Variants in RANBP3L observed in about 807,000 individuals in gnomAD.
The protein encoded by RANBP3L is RAN binding protein 3 like.
Under a neutral mutation model 67.2 loss-of-function variants are expected in RANBP3L, and 56 were observed. The ratio of observed to expected loss-of-function variants is 0.83; its 90% CI spans 0.67 to 1.04. RANBP3L has a LOEUF of 1.04. RANBP3L is among the 50% of genes least tolerant of loss of function. The probability of loss-of-function intolerance (pLI) is 0.00; values close to 1 mark genes in which losing one functional copy is unlikely to be tolerated. For missense variants in RANBP3L, 496 were observed against 535.5 expected, an observed-to-expected ratio of 0.93 and a Z score of 0.73; for synonymous variants, 164 against 181.4, an observed-to-expected ratio of 0.90 and a Z score of 0.77.
chr5:36,261,113 T>C (rs1360838425), intron 7 of RANBP3L, among the ~76,000 whole-genome samples: 4 of 152,192 alleles, frequency 2.6e-5, no homozygotes, highest in African/African-American at 9.7e-5. Context: ...ATCACTGCAC[T>C]GGCTGTGTGG....
chr5:36,279,340 A>C (rs546394550), intron 1 of RANBP3L, among the ~76,000 whole-genome samples: 2 of 152,234 alleles, frequency 1.3e-5, no homozygotes, highest in South Asian at 4.1e-4. Context: ...ATGTGGGGGA[A>C]CTCTAAAAAA....
In RANBP3L at chr5:36,272,008, T is replaced by C. The variant is rs142191547; in HGVS notation, c.92-697A>G. On this transcript the variant is annotated intron_variant, in intron 1 of 13. Transcript: ENST00000296604. ...AGAATTCTTAAGAAATACTATGTGG[T>C]AGTTAAGAGCTTGGGCTCTGAAGTT... Among the ~76,000 whole-genome samples the C allele has an allele frequency of 1.9e-3, 286 of 152,276 alleles. 12 individuals are homozygous for C. The East Asian group carries it at 0.046, about 25-fold the overall frequency.
intron 6 of RANBP3L, 143 bp from the exon 7 acceptor site, chr5:36,262,185 A>C: frequency 3.7e-6 from 2 of 544,376 alleles, no homozygotes; most frequent in Non-Finnish European, 6.5e-6. Flanking sequence ...GTACGATCTC[A>C]TTTACTCCTT....
intron 1 of RANBP3L, among the ~76,000 whole-genome samples, chr5:36,285,667 A>T (rs1751270667): frequency 6.6e-6 from 1 of 152,220 alleles, no homozygotes; most frequent in Non-Finnish European, 1.5e-5. Flanking sequence ...TACCATCTAA[A>T]GTTGTATCTA....
intron 13 of RANBP3L, 96 bp downstream of exon 13, chr5:36,251,217 G>A (rs1338576117): frequency 2.0e-6 from 2 of 992,620 alleles, no homozygotes; most frequent in East Asian, 2.6e-5. Context: ...TTTAAACAGA[G>A]CAGTTCCACT....
chr5:36,277,422 C>A (rs13178293), intron 1 of RANBP3L, among the ~76,000 whole-genome samples: 12,606 of 115,168 alleles, frequency 0.11, 852 homozygotes, highest in East Asian at 0.2. Context: ...CTCTCTCTCT[C>A]TATATATATA....
At position 36,301,458 on chromosome 5, in the gene RANBP3L, C is replaced by T. The variant is rs1205723546; in HGVS notation, c.-42G>A. 1.3e-6 allele frequency: 2 copies of T among 1,499,524 alleles called. No individual in the cohort carries two copies. Among genetic ancestry groups the T allele is most frequent in the Admixed American group, 3.3e-5 (2 of 59,754 alleles). The allele number at this position is 1,499,524 out of a possible 1,614,324, so 92.9% of individuals were successfully genotyped here. On this transcript the variant is annotated 5_prime_UTR_variant, in exon 1 of 14. The change creates a new upstream start codon in the 5' untranslated region. Coordinates refer to ENST00000296604, the MANE Select transcript of RANBP3L (RefSeq NM_145000.5). ...CTGTGACTCAAGGATCACTAGGGCACCTCCTTCTCTGGCCAGTCACCTAAA... is the reference window on the plus strand; with the variant it reads ...CTGTGACTCAAGGATCACTAGGGCATCTCCTTCTCTGGCCAGTCACCTAAA...
Position 36,295,480 on chromosome 5 carries a change from CCTGTGGAA to C in RANBP3L, c.91+5838_91+5845del, listed in dbSNP as rs1484607602. Among the ~76,000 whole-genome samples, 4 of 152,124 alleles carry C rather than the reference CCTGTGGAA, an allele frequency of 2.6e-5. No individual in the cohort carries two copies. In the East Asian group the frequency reaches 7.7e-4, roughly 29 times the overall value. ...ATAAGTTTCCTAAGGCCTCCCCAGC[CCTGTGGAA>C]CTGTGTGTCAATTAAACCTCTTTCC... On this transcript the variant is annotated intron_variant, in intron 1 of 13. Coordinates refer to ENST00000296604, the MANE Select transcript of RANBP3L (RefSeq NM_145000.5).
chr5:36,278,515 A>T (rs1284049979), intron 1 of RANBP3L, among the ~76,000 whole-genome samples: 1 of 152,152 alleles, frequency 6.6e-6, no homozygotes, highest in Admixed American at 6.6e-5. Context: ...GTCAACTGAG[A>T]TCAAATTTAG....
At chr5:36,255,094 G>T (rs565485888) in intron 11 of RANBP3L, among the ~76,000 whole-genome samples, 1 of 152,118 alleles carries the variant, frequency 6.6e-6, no homozygotes, top group South Asian at 2.1e-4. Context: ...ATAATAATAA[G>T]ATTACTATTT....
Position 36,260,817 on chromosome 5 carries a change from T to A in RANBP3L, c.632A>T (p.Asn211Ile). 1.3e-6 allele frequency: 2 copies of A among 1,565,864 alleles called. No homozygotes were observed. Among genetic ancestry groups the A allele is most frequent in the South Asian group, 2.3e-5 (2 of 88,090 alleles). ...DKCSFKSCSS[N>I]FVFGENMVER... The stretch of plus-strand genomic sequence containing the variant: ...TACCATGTTTTCTCCAAAAACAAAA[T>A]TGGAACTGCAGCTTTTAAAAGAACA... Residue 211 changes from asparagine (N) to isoleucine (I), a missense_variant, in exon 8 of 14, where the codon AAT (asparagine) becomes ATT (isoleucine). Physicochemically the swap from Asn to Ile is moderately radical, Grantham distance 149. Transcript: ENST00000296604.
At chr5:36,269,345 GAATAAA>G in intron 4 of RANBP3L, 39 bp downstream of exon 4, 1 of 1,135,450 alleles carries the variant, frequency 8.8e-7, no homozygotes, top group South Asian at 1.3e-5. Flanking sequence ...TTTGCATTCA[GAATAAA>G]CATAACAGTG....
At chr5:36,273,706 AAC>A (rs1750383164) in intron 1 of RANBP3L, among the ~76,000 whole-genome samples, 1 of 152,174 alleles carries the variant, frequency 6.6e-6, no homozygotes, top group South Asian at 2.1e-4. Flanking sequence ...TGAAAATAAA[AAC>A]AGAGTCCTTA....
rs762104035 is a variant in RANBP3L at position 36,255,585 on chromosome 5, G to C, written c.909C>G (p.Asn303Lys). Residue 303 changes from asparagine (N) to lysine (K), a missense_variant, in exon 11 of 14, where the codon AAC becomes AAG. Coordinates refer to ENST00000296604, the MANE Select transcript of RANBP3L (RefSeq NM_145000.5). ...TTTTGTTGAATATGAAAAGCTTGCAGTTTATCTAAATGACAATTTTTTAAA... is the reference window on the plus strand; with the variant it reads ...TTTTGTTGAATATGAAAAGCTTGCACTTTATCTAAATGACAATTTTTTAAA... ...EETEHNVLKI[N>K]CKLFIFNKTT... 1 of 1,599,826 alleles carries C rather than the reference G, an allele frequency of 6.3e-7. No homozygotes were observed. Among genetic ancestry groups the C allele is most frequent in the Admixed American group, 1.7e-5 (1 of 57,434 alleles).
intron 13 of RANBP3L, among the ~76,000 whole-genome samples, chr5:36,250,626 C>T (rs1748525971): frequency 6.6e-6 from 1 of 152,056 alleles, no homozygotes; most frequent in Admixed American, 6.6e-5. Context: ...AGTGAAAACG[C>T]TTGGATGACT....
At chr5:36,272,974 G>C (rs1331861779) in intron 1 of RANBP3L, among the ~76,000 whole-genome samples, 1 of 152,156 alleles carries the variant, frequency 6.6e-6, no homozygotes, top group East Asian at 1.9e-4. Flanking sequence ...CACTTACCAT[G>C]CTGTCTTCCC....
At chr5:36,284,369 T>A (rs1751186108) in intron 1 of RANBP3L, among the ~76,000 whole-genome samples, 1 of 152,204 alleles carries the variant, frequency 6.6e-6, no homozygotes, top group Non-Finnish European at 1.5e-5. Flanking sequence ...AAATCCTGAC[T>A]TTTGAATATT....
chr5:36,265,013 T>A lies in RANBP3L; in HGVS notation c.426A>T (p.Thr142=). 6.2e-7 allele frequency: 1 copy of A among 1,613,866 alleles called. No individual in the cohort carries two copies. Among genetic ancestry groups the A allele is most frequent in the Non-Finnish European group, 8.5e-7 (1 of 1,179,778 alleles). The part of the protein sequence containing the change: ...QARSCAKVRK[T]FGHKALESCK... ...AAGATTCCAGTGCCTTGTGTCCAAA[T>A]GTTTTTCTTACTTTTGCACAACTTC... is the stretch of plus-strand genomic sequence containing the variant. Residue 142 remains threonine, a synonymous_variant, in exon 6 of 14, where the codon ACA becomes ACT. Coordinates refer to ENST00000296604, the MANE Select transcript of RANBP3L (RefSeq NM_145000.5).
At chr5:36,268,658 G>A (rs1375518523) in intron 4 of RANBP3L, among the ~76,000 whole-genome samples, 1 of 151,566 alleles carries the variant, frequency 6.6e-6, no homozygotes, top group East Asian at 1.9e-4. Context: ...AGAATACAGT[G>A]TATGATAAAA....
Sources: allele counts gnomAD v4.1 joint callset (sites outside exome capture counted in the v4.1 genomes callset), GRCh38; gene constraint gnomAD v4.1.1; transcripts MANE v1.5; gene names NCBI Gene and HGNC (gene_info 2026-07-23, HGNC 2026-07-21).